Variants in FHOD3 observed in about 807,000 individuals in gnomAD.
FHOD3 encodes the protein formin homology 2 domain containing 3.
Under a neutral mutation model 173.0 loss-of-function variants are expected in FHOD3, and 90 were observed. That is an observed-to-expected ratio of 0.52 (90% CI 0.44 to 0.62). The LOEUF (loss-of-function observed/expected upper bound fraction) is 0.62. Ranked by LOEUF, FHOD3 falls within the 20% of genes least tolerant of loss-of-function variation. FHOD3 has a pLI of 0.00. For synonymous variants in FHOD3, 828 were observed against 823.0 expected (o/e 1.01, Z -0.10); for missense variants, 1,945 against 2,034.7 (o/e 0.96, Z 0.85).
intron 3 of FHOD3, among the ~76,000 whole-genome samples, chr18:36,452,484 A>G (rs778814524): frequency 9.9e-5 from 15 of 152,174 alleles, no homozygotes; most frequent in Admixed American, 2.0e-4. Flanking sequence ...CCTTTTAACA[A>G]TTGTTTCTGT....
chr18:36,601,886 G>T (rs531294149), intron 7 of FHOD3, among the ~76,000 whole-genome samples: 1 of 152,098 alleles, frequency 6.6e-6, no homozygotes, highest in Non-Finnish European at 1.5e-5. Context: ...ATGTGAATGC[G>T]GAGTATCTCC....
chr18:36,532,177 G>A (rs1416444089), intron 5 of FHOD3, among the ~76,000 whole-genome samples: 2 of 152,154 alleles, frequency 1.3e-5, no homozygotes, highest in African/African-American at 4.8e-5. Flanking sequence ...CCGTAATTTG[G>A]AACATCAGCA....
chr18:36,586,928 G>A (rs2148207529), intron 6 of FHOD3, among the ~76,000 whole-genome samples: 1 of 152,208 alleles, frequency 6.6e-6, no homozygotes, highest in Admixed American at 6.5e-5. Flanking sequence ...AAAAAGGGGG[G>A]TCTTTCCCTG....
chr18:36,744,641 A>G (rs2042063812), intron 23 of FHOD3, among the ~76,000 whole-genome samples: 1 of 152,212 alleles, frequency 6.6e-6, no homozygotes, highest in South Asian at 2.1e-4. Context: ...CCCCACAGAT[A>G]GGCAGTCCCT....
chr18:36,491,740 G>A (rs1015968506), intron 3 of FHOD3, among the ~76,000 whole-genome samples: 35 of 149,414 alleles, frequency 2.3e-4, no homozygotes, highest in Non-Finnish European at 4.3e-4. Flanking sequence ...TGCCTCCTCC[G>A]GGCACCTGTA....
intron 18 of FHOD3, among the ~76,000 whole-genome samples, chr18:36,713,549 A>G (rs7231757): frequency 0.02 from 3,081 of 152,342 alleles, 94 homozygotes; most frequent in African/African-American, 0.07. Context: ...AATGGGTACA[A>G]GTATACAATT....
chr18:36,688,718 G>C (rs2038781770), intron 16 of FHOD3, among the ~76,000 whole-genome samples: 1 of 152,204 alleles, frequency 6.6e-6, no homozygotes, highest in Non-Finnish European at 1.5e-5. Context: ...TTGACTGTTA[G>C]GTTAAGTCCA....
chr18:36,651,845 A>G lies in FHOD3; in HGVS notation c.1287-725A>G, dbSNP rs78857312. Among the ~76,000 whole-genome samples the G allele has an allele frequency of 5.5e-3, 837 of 152,296 alleles. 7 individuals carry two copies. Among genetic ancestry groups the G allele is most frequent in the African/African-American group, 0.019 (787 of 41,558 alleles). On this transcript the variant is annotated intron_variant, in intron 11 of 28. Transcript: ENST00000590592. ...ATGACCACAATCAATGAACATGTCT[A>G]TCACCTCCCATAGTTACTGTGTGTG...
chr18:36,312,207 C>T (rs1309097790), intron 1 of FHOD3, among the ~76,000 whole-genome samples: 1 of 152,178 alleles, frequency 6.6e-6, no homozygotes, highest in Admixed American at 6.5e-5. Flanking sequence ...GGAATGCTTG[C>T]CGTTCTGTTT....
intron 3 of FHOD3, among the ~76,000 whole-genome samples, chr18:36,446,694 G>A (rs530097824): frequency 2.0e-5 from 3 of 152,258 alleles, no homozygotes; most frequent in East Asian, 3.9e-4. Context: ...CAGTTCATAC[G>A]CAAACTTGGC....
At position 36,556,249 on chromosome 18, in the gene FHOD3, T is replaced by G. The variant is rs972723531; in HGVS notation, c.512-20202T>G. 4.6e-5 allele frequency among the ~76,000 whole-genome samples: 7 copies of G among 152,296 alleles called. No homozygotes were observed. The East Asian group carries it at 1.3e-3, about 29-fold the overall frequency. On this transcript the variant is annotated intron_variant, in intron 5 of 28. Coordinates refer to ENST00000590592, the MANE Select transcript of FHOD3 (RefSeq NM_001281740.3). The stretch of plus-strand genomic sequence containing the variant: ...TGACCCTTGAACAATATGAGTGAAC[T>G]GTGAGATGTGTGGTCCACTTATATA...
At chr18:36,636,566 A>C (rs2034899534) in intron 10 of FHOD3, among the ~76,000 whole-genome samples, 1 of 152,144 alleles carries the variant, frequency 6.6e-6, no homozygotes. Flanking sequence ...ATGATAGCTC[A>C]GTGAGGAATC....
At chr18:36,415,388 G>A (rs932219920) in intron 3 of FHOD3, among the ~76,000 whole-genome samples, 5 of 152,206 alleles carry the variant, frequency 3.3e-5, no homozygotes, top group African/African-American at 1.2e-4. Context: ...GAGATAGGGT[G>A]TAGGGTGAGA....
intron 5 of FHOD3, among the ~76,000 whole-genome samples, chr18:36,520,473 A>C (rs548371877): frequency 6.6e-6 from 1 of 152,270 alleles, no homozygotes; most frequent in Admixed American, 6.5e-5. Context: ...GAAAGGGCAA[A>C]ATTGTATGGT....
chr18:36,394,681 T>C lies in FHOD3; in HGVS notation c.337+21937T>C, dbSNP rs73418942. ...TTCCTCTCTTAGTGGTAGAGCAAGA[T>C]GTTTCAGTTCATCTTATGCATCACT... On this transcript the variant is annotated intron_variant, in intron 3 of 28. Coordinates refer to ENST00000590592, the MANE Select transcript of FHOD3 (RefSeq NM_001281740.3). 5.9e-3 allele frequency among the ~76,000 whole-genome samples: 901 copies of C among 152,336 alleles called. 8 individuals carry two copies. The highest frequency in any genetic ancestry group is 0.02 in the African/African-American group (848 of 41,576).
chr18:36,705,504 G>A (rs1341480570), intron 17 of FHOD3, among the ~76,000 whole-genome samples: 5 of 152,262 alleles, frequency 3.3e-5, no homozygotes, highest in African/African-American at 4.8e-5. Context: ...AAGTATTTTC[G>A]TTATTGTGTC....
intron 5 of FHOD3, among the ~76,000 whole-genome samples, chr18:36,516,161 G>A (rs3859355): frequency 0.017 from 2,551 of 152,008 alleles, 68 homozygotes; most frequent in African/African-American, 0.059. Flanking sequence ...CTGGACATTT[G>A]CGATCAAGAA....
At chr18:36,488,647 GGT>G (rs1279948943) in intron 3 of FHOD3, among the ~76,000 whole-genome samples, 1 of 152,212 alleles carries the variant, frequency 6.6e-6, no homozygotes, top group East Asian at 1.9e-4. Context: ...GCTTGTGCCA[GGT>G]GTGTTTCCAA....
chr18:36,515,286 G>C (rs569709693), intron 5 of FHOD3, among the ~76,000 whole-genome samples: 167 of 152,200 alleles, frequency 1.1e-3, no homozygotes, highest in African/African-American at 3.9e-3. Flanking sequence ...GGTGCCATCT[G>C]GGCTCACTGC....
Sources: gnomAD v4.1 joint callset for allele counts (sites outside exome capture counted in the v4.1 genomes callset) on GRCh38, gnomAD v4.1.1 for gene constraint, MANE v1.5 for transcripts, NCBI Gene and HGNC (gene_info 2026-07-23, HGNC 2026-07-21) for gene names.